The following ACVR2A variants were observed in gnomAD, a reference collection of about 807,000 sequenced individuals.
The protein encoded by ACVR2A is activin A receptor type 2A.
ACVR2A carries 7 observed loss-of-function variants against 61.4 expected under a neutral mutation model. The observed-to-expected ratio is 0.11, with a 90% CI of 0.06 to 0.21. The LOEUF (loss-of-function observed/expected upper bound fraction) is 0.21, where lower values mean the gene tolerates loss of function less well. Ranked by LOEUF, ACVR2A falls within the 10% of genes least tolerant of loss-of-function variation. ACVR2A has a pLI of 1.00. For missense variants in ACVR2A, 322 were observed against 621.7 expected (o/e 0.52, Z 5.13); for synonymous variants, 193 against 208.3 (o/e 0.93, Z 0.63).
At chr2:147,892,829 G>A (rs1686620583) in intron 1 of ACVR2A, among the ~76,000 whole-genome samples, 1 of 151,156 alleles carries the variant, frequency 6.6e-6, no homozygotes, top group Non-Finnish European at 1.5e-5. Flanking sequence ...TTTTTTTGGT[G>A]TGACTGTTTT....
At chr2:147,880,075 T>C (rs1055007997) in intron 1 of ACVR2A, among the ~76,000 whole-genome samples, 66 of 152,316 alleles carry the variant, frequency 4.3e-4, no homozygotes, top group African/African-American at 1.5e-3. Flanking sequence ...GGGTGATATC[T>C]TTATGACTAG....
intron 1 of ACVR2A, among the ~76,000 whole-genome samples, chr2:147,889,858 C>G (rs528596522): frequency 1.1e-4 from 16 of 151,196 alleles, no homozygotes; most frequent in South Asian, 2.1e-4. Context: ...GCAGTCAGTA[C>G]TAGTCAGTAA....
chr2:147,897,771 C>T (rs938889656), intron 2 of ACVR2A, among the ~76,000 whole-genome samples: 6 of 152,114 alleles, frequency 3.9e-5, no homozygotes. Flanking sequence ...ATATATATTT[C>T]GTATTTAGAA....
intron 1 of ACVR2A, among the ~76,000 whole-genome samples, chr2:147,861,684 GA>G (rs936936245): frequency 1.3e-5 from 2 of 150,674 alleles, no homozygotes; most frequent in Non-Finnish European, 1.5e-5. Flanking sequence ...TTTGAAATCC[GA>G]AAAAAAAATC....
intron 1 of ACVR2A, among the ~76,000 whole-genome samples, chr2:147,850,545 G>A (rs901947406): frequency 2.0e-5 from 3 of 152,076 alleles, no homozygotes; most frequent in African/African-American, 7.2e-5. Flanking sequence ...GCCAAAATTT[G>A]ACTAGAACCA....
In ACVR2A at chr2:147,929,527, G is replaced by A. The variant is rs985200504; in HGVS notation, c.*2253G>A. ...ATCCTGGGTATTGTATTTAACTGTA[G>A]CTAACCAATTTTAAAACTTGTATTC... On this transcript the variant is annotated 3_prime_UTR_variant, in exon 11 of 11. Coordinates refer to ENST00000241416, the MANE Select transcript of ACVR2A (RefSeq NM_001616.5). 3 of 152,284 alleles carry A rather than the reference G, an allele frequency of 2.0e-5. No individual in the cohort carries two copies. Among genetic ancestry groups the A allele is most frequent in the Non-Finnish European group, 2.9e-5 (2 of 67,946 alleles). 9.4% of individuals were successfully genotyped at this position (152,284 alleles called of 1,614,324 possible).
At chr2:147,852,260 G>T (rs932157386) in intron 1 of ACVR2A, among the ~76,000 whole-genome samples, 3 of 151,980 alleles carry the variant, frequency 2.0e-5, no homozygotes, top group Non-Finnish European at 4.4e-5. Flanking sequence ...ATGTCTGTGT[G>T]CATCAGAAAT....
intron 1 of ACVR2A, among the ~76,000 whole-genome samples, chr2:147,857,812 A>G (rs1193619081): frequency 1.3e-5 from 2 of 151,488 alleles, no homozygotes; most frequent in Non-Finnish European, 1.5e-5. Flanking sequence ...TCACATAAAC[A>G]TATATACATG....
At chr2:147,888,534 G>C (rs1686497662) in intron 1 of ACVR2A, among the ~76,000 whole-genome samples, 1 of 152,090 alleles carries the variant, frequency 6.6e-6, no homozygotes, top group South Asian at 2.1e-4. Flanking sequence ...TTTCTTCAGA[G>C]CAACCGTAAC....
intron 2 of ACVR2A, 181 bp downstream of exon 2, chr2:147,896,689 G>A: frequency 3.5e-6 from 2 of 573,354 alleles, no homozygotes; most frequent in Non-Finnish European, 6.1e-6. Context: ...TAATAAACAT[G>A]GCATATATAT....
intron 1 of ACVR2A, among the ~76,000 whole-genome samples, chr2:147,857,344 CTAGCCTTGCATCTGTG>C (rs1318961931): frequency 6.6e-6 from 1 of 151,938 alleles, no homozygotes; most frequent in Non-Finnish European, 1.5e-5. Flanking sequence ...TAATTAATAT[CTAGCCTTGCATCTGTG>C]ATGGAAGGAA....
At chr2:147,856,111 G>T (rs1159895664) in intron 1 of ACVR2A, among the ~76,000 whole-genome samples, 1 of 152,036 alleles carries the variant, frequency 6.6e-6, no homozygotes, top group Non-Finnish European at 1.5e-5. Flanking sequence ...TTTTACTCAG[G>T]GCTGCAGCCT....
At chr2:147,915,373 T>TTA in intron 5 of ACVR2A, 39 bp downstream of exon 5, 1 of 1,607,584 alleles carries the variant, frequency 6.2e-7, no homozygotes, top group Non-Finnish European at 8.5e-7. Flanking sequence ...CATACATGTT[T>TTA]TATGGCTAGG....
rs1332875285 is a variant in ACVR2A at position 147,930,257 on chromosome 2, T to G, written c.*2983T>G. ...CTCTTCTGTTGCATTTCCTCACCCC[T>G]AAGTAACAGCTACATTTAAGTAAAA... On this transcript the variant is annotated 3_prime_UTR_variant, in exon 11 of 11. Coordinates refer to ENST00000241416, the MANE Select transcript of ACVR2A (RefSeq NM_001616.5). 6.6e-6 allele frequency: 1 copy of G among 151,836 alleles called. No homozygotes were observed. The highest frequency in any genetic ancestry group is 6.6e-5 in the Admixed American group (1 of 15,170). 9.4% of individuals were successfully genotyped at this position (151,836 alleles called of 1,614,324 possible). A position where few individuals can be genotyped will look rare whatever the true frequency, so the allele number is the denominator to read the frequency against.
In ACVR2A at chr2:147,863,916, T is replaced by C. The variant is rs1685790015; in HGVS notation, c.55+18709T>C. Among the ~76,000 whole-genome samples the C allele has an allele frequency of 2.6e-5, 4 of 152,216 alleles. No homozygotes were observed. In the South Asian group the frequency reaches 8.3e-4, roughly 31 times the overall value. Reference sequence around the variant, plus strand: ...TAGAGAATCAAATGTTCAAAGTAAATGCATCTTCTTAAAATGATTATACCT... The same window carrying C: ...TAGAGAATCAAATGTTCAAAGTAAACGCATCTTCTTAAAATGATTATACCT... On this transcript the variant is annotated intron_variant, in intron 1 of 10. Transcript: ENST00000241416.
At chr2:147,872,905 A>G (rs937799595) in intron 1 of ACVR2A, among the ~76,000 whole-genome samples, 2 of 151,884 alleles carry the variant, frequency 1.3e-5, no homozygotes, top group African/African-American at 4.8e-5. Context: ...ATTTCCAAGT[A>G]CAAGATAGGA....
chr2:147,896,492 A>G lies in ACVR2A; in HGVS notation c.247A>G (p.Ile83Val), dbSNP rs1248849635. 1.2e-6 allele frequency: 2 copies of G among 1,613,928 alleles called. No homozygotes were observed. Among genetic ancestry groups the G allele is most frequent in the Non-Finnish European group, 1.7e-6 (2 of 1,179,912 alleles). ...GAAACAAGGTTGTTGGCTGGATGATATCAACTGCTATGACAGGTAAGAACA... is the reference window on the plus strand; with the variant it reads ...GAAACAAGGTTGTTGGCTGGATGATGTCAACTGCTATGACAGGTAAGAACA... ...IVKQGCWLDD[I>V]NCYDRTDCVE... The change falls in exon 2 of 11, where the codon ATC becomes GTC. Residue 83 changes from isoleucine to valine, a missense_variant. Coordinates refer to ENST00000241416, the MANE Select transcript of ACVR2A (RefSeq NM_001616.5).
chr2:147,918,504 A>G lies in ACVR2A; in HGVS notation c.874A>G (p.Ile292Val), dbSNP rs771224053. Reference protein sequence around the residue: ...NVVSWNELCHIAETMARGLAY... With the variant: ...NVVSWNELCHVAETMARGLAY... ...GGTCTCTTGGAATGAACTGTGTCAT[A>G]TTGCAGAAACCATGGCTAGAGGATT... Residue 292 changes from isoleucine (I) to valine (V), a missense_variant, in exon 7 of 11, where the codon ATT (isoleucine) becomes GTT (valine). By Grantham distance (29) the Ile-to-Val change is conservative (BLOSUM62 3). Transcript: ENST00000241416. The G allele has an allele frequency of 6.2e-7, 1 of 1,612,676 alleles. No homozygotes were observed.
chr2:147,912,828 G>A (rs1386726768), intron 4 of ACVR2A, among the ~76,000 whole-genome samples: 2 of 151,856 alleles, frequency 1.3e-5, no homozygotes, highest in Non-Finnish European at 2.9e-5. Context: ...TAAAGGTTTT[G>A]AGATTCTACA....
Sources: allele counts gnomAD v4.1 joint callset (sites outside exome capture counted in the v4.1 genomes callset), GRCh38; gene constraint gnomAD v4.1.1; transcripts MANE v1.5; gene names NCBI Gene and HGNC (gene_info 2026-07-23, HGNC 2026-07-21).